The following SMCO2 variants were observed in gnomAD, a reference collection of about 807,000 sequenced individuals.
SMCO2 encodes the protein single-pass membrane and coiled-coil domain-containing protein 2.
SMCO2 carries 25 observed loss-of-function variants against 29.5 expected under a neutral mutation model. The ratio of observed to expected loss-of-function variants is 0.85; its 90% confidence interval spans 0.62 to 1.18. The LOEUF is 1.18. Ranked by LOEUF, SMCO2 falls within the 50% of genes most tolerant of loss-of-function variation. SMCO2 has a pLI of 0.00. For missense variants in SMCO2, 348 were observed against 344.5 expected (o/e 1.01, Z -0.08); for synonymous variants, 117 against 123.3 (o/e 0.95, Z 0.34).
rs571861338 is a variant in SMCO2 at position 27,501,382 on chromosome 12, G to C, written c.684-541G>C. Among the ~76,000 whole-genome samples the C allele has an allele frequency of 1.8e-4, 24 of 129,832 alleles. 1 individual carries two copies. The highest frequency in any genetic ancestry group is 1.4e-3 in the Admixed American group (17 of 11,896). The allele number at this position is 129,832 out of a possible 152,430, so 85.2% of individuals were successfully genotyped here. On this transcript the variant is annotated intron_variant, in intron 7 of 7. Transcript: ENST00000298876. ...AGTGAGCCGGGATAGCGCCACTGCAGTCCAGCTTGGGCGAAAGAGTGAGAC... is the reference window on the plus strand; with the variant it reads ...AGTGAGCCGGGATAGCGCCACTGCACTCCAGCTTGGGCGAAAGAGTGAGAC...
At chr12:27,500,824 A>T (rs903435507) in intron 7 of SMCO2, among the ~76,000 whole-genome samples, 18 of 150,702 alleles carry the variant, frequency 1.2e-4, no homozygotes, top group African/African-American at 4.2e-4. Context: ...AGTGATAGCC[A>T]GTGGGGATAA....
intron 4 of SMCO2, among the ~76,000 whole-genome samples, chr12:27,483,089 G>C (rs1049722106): frequency 1.3e-5 from 2 of 152,192 alleles, no homozygotes; most frequent in African/African-American, 4.8e-5. Context: ...CTTGGTAAAT[G>C]ATATGTGTGC....
chr12:27,450,297 TCC>T, the SMCO2 span, among the ~76,000 whole-genome samples: 3 of 142,846 alleles, frequency 2.1e-5, no homozygotes, highest in Non-Finnish European at 4.6e-5. Flanking sequence ...CCCTCCTCCC[TCC>T]CTGCCCCCAC....
the SMCO2 span, among the ~76,000 whole-genome samples, chr12:27,431,027 C>CT: frequency 0.037 from 5,436 of 146,790 alleles, 173 homozygotes; most frequent in East Asian, 0.18. Context: ...AATTTACTAT[C>CT]TTTTTTTTTT....
At chr12:27,425,720 A>T in the SMCO2 span, among the ~76,000 whole-genome samples, 2 of 152,144 alleles carry the variant, frequency 1.3e-5, no homozygotes, top group African/African-American at 2.4e-5. Flanking sequence ...ATATGCATTG[A>T]CTGGGCCTCT....
intron 6 of SMCO2, among the ~76,000 whole-genome samples, chr12:27,494,725 C>T (rs999379583): frequency 6.6e-6 from 1 of 152,056 alleles, no homozygotes; most frequent in African/African-American, 2.4e-5. Flanking sequence ...TTTCATTGTT[C>T]AACTCCCACT....
intron 4 of SMCO2, among the ~76,000 whole-genome samples, chr12:27,484,404 C>A (rs1217641251): frequency 6.6e-6 from 1 of 152,008 alleles, no homozygotes; most frequent in South Asian, 2.1e-4. Context: ...CCAAAACTAT[C>A]TTCTGTGATA....
intron 5 of SMCO2, 141 bp downstream of exon 6, chr12:27,488,688 C>A: frequency 4.1e-6 from 2 of 491,188 alleles, no homozygotes; most frequent in East Asian, 3.5e-5. Flanking sequence ...GTCTGAGCAC[C>A]CTTTTCCTGA....
chr12:27,449,160 C>T, the SMCO2 span, among the ~76,000 whole-genome samples: 2 of 152,144 alleles, frequency 1.3e-5, no homozygotes, highest in Non-Finnish European at 2.9e-5. Context: ...TAAATCATGC[C>T]ACCCCTGCAC....
At chr12:27,426,328 C>T in the SMCO2 span, among the ~76,000 whole-genome samples, 1 of 151,870 alleles carries the variant, frequency 6.6e-6, no homozygotes, top group Non-Finnish European at 1.5e-5. Flanking sequence ...GTAAGAGTTA[C>T]ATGAGGAGAG....
chr12:27,470,830 G>A lies in SMCO2; in HGVS notation c.134+65G>A. ...CCCAACTGCAGACGTTCTTGGGCCA[G>A]CGGTATGCAAACGATGAGATTTCCA... On this transcript the variant is annotated intron_variant, in intron 2 of 7. Coordinates refer to ENST00000298876, the Ensembl canonical transcript of SMCO2. The A allele has an allele frequency of 3.3e-6, 5 of 1,508,106 alleles. No homozygotes were observed. In the South Asian group the frequency reaches 6.2e-5, roughly 19 times the overall value. 93.4% of individuals were successfully genotyped at this position (1,508,106 alleles called of 1,614,324 possible).
chr12:27,472,884 T>A lies in SMCO2; in HGVS notation c.234+9T>A. On this transcript the variant is annotated intron_variant, in intron 3 of 7. Coordinates refer to ENST00000298876, the Ensembl canonical transcript of SMCO2. Reference sequence around the variant, plus strand: ...CTGACTTCCTTCACAAGGTAGACACTGAAAAATGGGTAAGAGAGACACTTA... The same window carrying A: ...CTGACTTCCTTCACAAGGTAGACACAGAAAAATGGGTAAGAGAGACACTTA... 6.5e-7 allele frequency: 1 copy of A among 1,544,504 alleles called. No homozygotes were observed. Among genetic ancestry groups the A allele is most frequent in the Non-Finnish European group, 8.8e-7 (1 of 1,141,316 alleles).
At chr12:27,464,650 G>A (rs113665987), upstream of SMCO2, among the ~76,000 whole-genome samples, 4,222 of 144,034 alleles carry the variant, frequency 0.029, 95 homozygotes, top group Non-Finnish European at 0.046. Flanking sequence ...CCAGGAGGTC[G>A]AACCTGCAAT....
exon 6 of SMCO2, chr12:27,494,337 A>G (rs1372335846): frequency 6.6e-7 from 1 of 1,524,654 alleles, no homozygotes; most frequent in Non-Finnish European, 8.8e-7. Context: ...TTAAAGAAGA[A>G]AGTCATAGAA....
At chr12:27,482,466 A>G (rs555128588) in intron 4 of SMCO2, among the ~76,000 whole-genome samples, 16 of 152,160 alleles carry the variant, frequency 1.1e-4, no homozygotes, top group African/African-American at 3.1e-4. Context: ...ATGCCTGGCT[A>G]ATTTTTATAT....
At chr12:27,493,988 G>A (rs1414972415) in intron 5 of SMCO2, 1 of 173,618 alleles carries the variant, frequency 5.8e-6, no homozygotes, top group Non-Finnish European at 1.2e-5. Context: ...CTTGTGTCCT[G>A]GTAGAAGTTT....
intron 1 of SMCO2, among the ~76,000 whole-genome samples, chr12:27,467,654 T>G (rs1197930539): frequency 6.6e-6 from 1 of 152,136 alleles, no homozygotes; most frequent in Non-Finnish European, 1.5e-5. Flanking sequence ...TAAGACGCAT[T>G]GGGCATTAAT....
At chr12:27,439,424 G>A in the SMCO2 span, among the ~76,000 whole-genome samples, 1 of 152,118 alleles carries the variant, frequency 6.6e-6, no homozygotes, top group Non-Finnish European at 1.5e-5. Context: ...ATCCTTCAAT[G>A]CAAAGACGTA....
upstream of SMCO2, among the ~76,000 whole-genome samples, chr12:27,466,273 T>C (rs1345630628): frequency 6.6e-6 from 1 of 151,822 alleles, no homozygotes; most frequent in Non-Finnish European, 1.5e-5. Context: ...AATACAAAAA[T>C]TAGCCAAGTG....
Sources: gnomAD v4.1 joint callset for allele counts (sites outside exome capture counted in the v4.1 genomes callset) on GRCh38, gnomAD v4.1.1 for gene constraint, MANE v1.5 for transcripts, NCBI Gene and HGNC (gene_info 2026-07-23, HGNC 2026-07-21) for gene names.